EHBP1: variants seen among roughly 807,000 people sequenced by gnomAD.
EHBP1 encodes EH domain-binding protein 1.
A neutral mutation model predicts 144.0 loss-of-function variants in EHBP1; 55 were observed. That is an observed-to-expected ratio of 0.38 (90% CI 0.31 to 0.48). The LOEUF is 0.48. Ranked by LOEUF, EHBP1 falls within the 20% of genes least tolerant of loss-of-function variation. The pLI, the probability that EHBP1 is intolerant of heterozygous loss-of-function variation, is 0.98. For missense variants in EHBP1, 1,200 were observed against 1,364.2 expected, an observed-to-expected ratio of 0.88 and a Z score of 1.90; for synonymous variants, 469 against 472.7, an observed-to-expected ratio of 0.99 and a Z score of 0.10.
chr2:63,025,752 TG>T (rs2060947685), intron 19 of EHBP1, among the ~76,000 whole-genome samples: 1 of 152,208 alleles, frequency 6.6e-6, no homozygotes, highest in South Asian at 2.1e-4. Flanking sequence ...GAACATATCC[TG>T]GGGATTAAGT....
chr2:62,977,647 G>T (rs974500968), intron 14 of EHBP1, among the ~76,000 whole-genome samples: 1 of 151,958 alleles, frequency 6.6e-6, no homozygotes, highest in African/African-American at 2.4e-5. Context: ...ATATTCTCCT[G>T]CTTGAAATGG....
chr2:62,681,342 A>ATATATATATATATATATATATAT (rs2033513895), intron 1 of EHBP1, among the ~76,000 whole-genome samples: 2 of 96,974 alleles, frequency 2.1e-5, no homozygotes, highest in Admixed American at 1.0e-4. Context: ...GTGTGTGTGT[A>ATATATATATATATATATATATAT]TATATATATA....
At chr2:62,790,808 T>C (rs150433331) in intron 5 of EHBP1, among the ~76,000 whole-genome samples, 13 of 152,244 alleles carry the variant, frequency 8.5e-5, no homozygotes, top group South Asian at 2.1e-4. Flanking sequence ...TTTATACCAT[T>C]ATTAAATGAG....
chr2:62,858,881 A>G (rs551897883), intron 7 of EHBP1, among the ~76,000 whole-genome samples: 10 of 152,304 alleles, frequency 6.6e-5, no homozygotes, highest in African/African-American at 1.4e-4. Flanking sequence ...CTAAAAGTCT[A>G]TGTCAACACT....
chr2:62,878,266 A>G (rs1573859416), intron 10 of EHBP1, among the ~76,000 whole-genome samples: 1 of 152,298 alleles, frequency 6.6e-6, no homozygotes, highest in East Asian at 1.9e-4. Context: ...CTGAACCAGG[A>G]AGAAATTGAA....
At chr2:62,852,984 A>G (rs1446671145) in intron 7 of EHBP1, among the ~76,000 whole-genome samples, 2 of 152,174 alleles carry the variant, frequency 1.3e-5, no homozygotes, top group Non-Finnish European at 2.9e-5. Context: ...AATTGCGTTT[A>G]CTTTCTGTTT....
intron 14 of EHBP1, among the ~76,000 whole-genome samples, chr2:62,973,949 C>T (rs890577281): frequency 3.9e-5 from 6 of 151,974 alleles, no homozygotes; most frequent in East Asian, 1.9e-4. Flanking sequence ...GTCACGGTTG[C>T]GGTTAGCTAT....
At chr2:62,674,191 CATGTGTGTGT>C (rs2033202065) in intron 1 of EHBP1, 13 of 469,894 alleles carry the variant, frequency 2.8e-5, no homozygotes, top group South Asian at 1.7e-4. Context: ...CCTAGATTTT[CATGTGTGTGT>C]ATGTGTGTGT....
At chr2:62,895,237 A>G (rs2052802777) in intron 10 of EHBP1, among the ~76,000 whole-genome samples, 1 of 152,136 alleles carries the variant, frequency 6.6e-6, no homozygotes, top group Non-Finnish European at 1.5e-5. Flanking sequence ...AAACTTGCAT[A>G]ACTGCACACT....
intron 2 of EHBP1, among the ~76,000 whole-genome samples, chr2:62,740,304 A>C (rs1167889660): frequency 1.8e-4 from 27 of 152,230 alleles, no homozygotes; most frequent in Admixed American, 1.6e-3. Context: ...TACAGAAAAG[A>C]AATATATCCT....
At chr2:62,841,734 T>C (rs2047892411) in intron 7 of EHBP1, among the ~76,000 whole-genome samples, 1 of 152,152 alleles carries the variant, frequency 6.6e-6, no homozygotes, top group Non-Finnish European at 1.5e-5. Flanking sequence ...TTTGGCTTCT[T>C]TTCTTTTTTC....
At chr2:62,862,221 G>C (rs17473098) in intron 8 of EHBP1, among the ~76,000 whole-genome samples, 14,907 of 152,112 alleles carry the variant, frequency 0.098, 985 homozygotes, top group Non-Finnish European at 0.14. Flanking sequence ...CAGACTTTCA[G>C]CTCAGAATTT....
At chr2:63,010,111 T>C (rs1299234243) in intron 19 of EHBP1, among the ~76,000 whole-genome samples, 1 of 151,468 alleles carries the variant, frequency 6.6e-6, no homozygotes, top group African/African-American at 2.4e-5. Context: ...AACTTTTGAA[T>C]ACAAATTCCT....
At chr2:62,977,420 C>T (rs1395708360) in intron 14 of EHBP1, among the ~76,000 whole-genome samples, 1 of 152,046 alleles carries the variant, frequency 6.6e-6, no homozygotes, top group Non-Finnish European at 1.5e-5. Context: ...TTGCACTGAC[C>T]TACCTAACCA....
chr2:62,960,341 A>AT (rs1186365311), intron 14 of EHBP1, among the ~76,000 whole-genome samples: 1 of 151,926 alleles, frequency 6.6e-6, no homozygotes, highest in Non-Finnish European at 1.5e-5. Context: ...ATACTCTTTC[A>AT]TTCTTGTGTC....
At chr2:62,895,687 T>A (rs1341005425) in intron 10 of EHBP1, among the ~76,000 whole-genome samples, 1 of 152,174 alleles carries the variant, frequency 6.6e-6, no homozygotes, top group Non-Finnish European at 1.5e-5. Flanking sequence ...AAGACAAGGA[T>A]ATAGATGAGT....
intron 4 of EHBP1, among the ~76,000 whole-genome samples, chr2:62,768,238 G>GT (rs940898860): frequency 6.6e-6 from 1 of 152,072 alleles, no homozygotes; most frequent in South Asian, 2.1e-4. Flanking sequence ...ACAGAAGTTG[G>GT]TTTTTTGAAA....
intron 10 of EHBP1, among the ~76,000 whole-genome samples, chr2:62,889,063 T>C (rs1418704227): frequency 3.4e-5 from 4 of 119,246 alleles, no homozygotes; most frequent in Non-Finnish European, 3.4e-5. Context: ...TTTTTTTTTT[T>C]TTTTTTTTTT....
intron 14 of EHBP1, among the ~76,000 whole-genome samples, chr2:62,972,718 T>C (rs2058552343): frequency 6.6e-6 from 1 of 152,152 alleles, no homozygotes; most frequent in Admixed American, 6.5e-5. Flanking sequence ...TGTTAGGACA[T>C]TAGTAGAAAA....
Sources: gnomAD v4.1 joint callset for allele counts (sites outside exome capture counted in the v4.1 genomes callset) on GRCh38, gnomAD v4.1.1 for gene constraint, MANE v1.5 for transcripts, NCBI Gene and HGNC (gene_info 2026-07-23, HGNC 2026-07-21) for gene names.